The following ZFAT variants were observed in gnomAD, a reference collection of about 807,000 sequenced individuals.
ZFAT encodes the protein zinc finger protein ZFAT.
ZFAT carries 64 observed loss-of-function variants against 117.7 expected under a neutral mutation model. The ratio of observed to expected loss-of-function variants is 0.54; its 90% confidence interval spans 0.44 to 0.67. ZFAT has a LOEUF of 0.67. Ranked by LOEUF, ZFAT falls within the 30% of genes least tolerant of loss-of-function variation. The pLI is 0.00. For synonymous variants in ZFAT, 679 were observed against 615.0 expected, an observed-to-expected ratio of 1.10 and a Z score of -1.54; for missense variants, 1,433 against 1,584.5, an observed-to-expected ratio of 0.90 and a Z score of 1.62.
intron 4 of ZFAT, among the ~76,000 whole-genome samples, 159 bp downstream of exon 4, chr8:134,610,311 C>T (rs1282014568): frequency 6.6e-6 from 1 of 152,210 alleles, no homozygotes; most frequent in African/African-American, 2.4e-5. Context: ...AACACCTGGG[C>T]AGTAAGTAAG....
intron 11 of ZFAT, among the ~76,000 whole-genome samples, chr8:134,553,755 T>C (rs1448710964): frequency 6.6e-6 from 1 of 152,204 alleles, no homozygotes; most frequent in Non-Finnish European, 1.5e-5. Context: ...TCCTGACTAA[T>C]CACAATGTGT....
chr8:134,791,272 T>C, the ZFAT span, among the ~76,000 whole-genome samples: 5 of 152,334 alleles, frequency 3.3e-5, no homozygotes, highest in South Asian at 4.1e-4. Context: ...CCCTGGGTTA[T>C]TGTGTAGAAG....
chr8:134,642,525 T>C (rs1830642630), intron 2 of ZFAT, among the ~76,000 whole-genome samples: 1 of 152,228 alleles, frequency 6.6e-6, no homozygotes, highest in Admixed American at 6.5e-5. Flanking sequence ...AATATCTCTT[T>C]TAAGAAACTA....
intron 10 of ZFAT, among the ~76,000 whole-genome samples, chr8:134,578,427 A>C (rs1384225783): frequency 6.6e-6 from 1 of 151,684 alleles, no homozygotes; most frequent in East Asian, 1.9e-4. Context: ...AAAAAAAAAA[A>C]AAAAGGAATG....
Position 134,478,469 on chromosome 8 carries a change from T to C in ZFAT, c.*13A>G, listed in dbSNP as rs373315266. The C allele has an allele frequency of 1.7e-5, 26 of 1,553,284 alleles. No homozygotes were observed. Among genetic ancestry groups the C allele is most frequent in the Non-Finnish European group, 2.3e-5 (26 of 1,147,776 alleles). On this transcript the variant is annotated 3_prime_UTR_variant, in exon 16 of 16. Coordinates refer to ENST00000377838, the MANE Select transcript of ZFAT (RefSeq NM_020863.4). The surrounding 1 kb of genome is among the most constrained non-coding windows in gnomAD (Gnocchi z 5.2). ...GCAGCCCCGCCCTGTGGCCATCCGA[T>C]GCCACATGTCCTCTAGAGTTCCTGG...
chr8:134,717,466 C>T (rs1203964242), upstream of ZFAT, among the ~76,000 whole-genome samples: 9 of 19,354 alleles, frequency 4.7e-4, no homozygotes, highest in East Asian at 3.0e-3. Context: ...AATAACAACT[C>T]TTTTTTTTTT....
the ZFAT span, among the ~76,000 whole-genome samples, chr8:134,791,404 T>C: frequency 3.5e-4 from 54 of 152,266 alleles, 1 homozygote; most frequent in African/African-American, 1.3e-3. Flanking sequence ...TCAGGGTCCA[T>C]TGGTGAGACC....
chr8:134,696,949 G>A (rs919531410), intron 1 of ZFAT, among the ~76,000 whole-genome samples: 1 of 150,068 alleles, frequency 6.7e-6, no homozygotes, highest in Non-Finnish European at 1.5e-5. Context: ...GACGAGTCTC[G>A]CTGTGTCGCC....
intron 7 of ZFAT, among the ~76,000 whole-genome samples, chr8:134,592,943 G>A (rs1826632432): frequency 6.6e-6 from 1 of 152,222 alleles, no homozygotes; most frequent in Non-Finnish European, 1.5e-5. Flanking sequence ...ACATGTCCAA[G>A]GGATCCAGGC....
At chr8:134,552,861 T>C (rs961499780) in intron 11 of ZFAT, among the ~76,000 whole-genome samples, 1 of 152,220 alleles carries the variant, frequency 6.6e-6, no homozygotes, top group Non-Finnish European at 1.5e-5. Context: ...AGACCTGAAT[T>C]CCCTTTTTGT....
chr8:134,830,549 G>A, the ZFAT span, among the ~76,000 whole-genome samples: 95 of 152,340 alleles, frequency 6.2e-4, 4 homozygotes, highest in South Asian at 0.019. Context: ...TAGGTAAGGA[G>A]CAAGTGAGTA....
chr8:134,509,804 T>G, intron 14 of ZFAT, 55 bp from the exon 15 acceptor site: 1 of 1,534,580 alleles, frequency 6.5e-7, no homozygotes, highest in Non-Finnish European at 8.7e-7. Context: ...CTGAAGGACA[T>G]GGAATGCAAA....
intron 1 of ZFAT, among the ~76,000 whole-genome samples, chr8:134,658,047 T>C (rs1036903577): frequency 6.6e-6 from 1 of 152,132 alleles, no homozygotes; most frequent in Non-Finnish European, 1.5e-5. Flanking sequence ...AAGTAAAAAA[T>C]AAATATGCGG....
intron 15 of ZFAT, among the ~76,000 whole-genome samples, chr8:134,499,730 T>TGCTG (rs1818821956): frequency 6.6e-6 from 1 of 152,230 alleles, no homozygotes; most frequent in African/African-American, 2.4e-5. Flanking sequence ...ATGCTGACAC[T>TGCTG]GCTGGCCGGG....
the ZFAT span, chr8:134,723,159 C>G: frequency 6.6e-6 from 1 of 152,220 alleles, no homozygotes; most frequent in Non-Finnish European, 1.5e-5. Flanking sequence ...CCTTGAGAAA[C>G]AGACGTGAAC....
chr8:134,750,849 C>T, the ZFAT span, among the ~76,000 whole-genome samples: 3 of 152,262 alleles, frequency 2.0e-5, no homozygotes, highest in East Asian at 1.9e-4. Context: ...AATCTTTTAA[C>T]GTTCTATCAC....
At chr8:134,773,991 T>TGG in the ZFAT span, among the ~76,000 whole-genome samples, 36,849 of 117,906 alleles carry the variant, frequency 0.31, 6,278 homozygotes, top group Admixed American at 0.4. Flanking sequence ...TTAATTTTTT[T>TGG]TTTTTTTTTT....
chr8:134,528,825 G>C (rs1378303730), intron 12 of ZFAT, among the ~76,000 whole-genome samples: 1 of 152,162 alleles, frequency 6.6e-6, no homozygotes, highest in Non-Finnish European at 1.5e-5. Flanking sequence ...CCGCAACCTG[G>C]GCAGGAATAA....
At chr8:134,732,434 T>C in the ZFAT span, among the ~76,000 whole-genome samples, 1 of 152,104 alleles carries the variant, frequency 6.6e-6, no homozygotes, top group African/African-American at 2.4e-5. Context: ...AAGGGGCCAG[T>C]CCAAAAGGGA....
Sources: allele counts gnomAD v4.1 joint callset (sites outside exome capture counted in the v4.1 genomes callset), GRCh38; gene constraint gnomAD v4.1.1; non-coding constraint Gnocchi (gnomAD v3.1); transcripts MANE v1.5; gene names NCBI Gene and HGNC (gene_info 2026-07-23, HGNC 2026-07-21).